The following TNPO1 variants were observed in gnomAD, a reference collection of about 807,000 sequenced individuals.
TNPO1 encodes transportin-1.
Under a neutral mutation model 119.5 loss-of-function variants are expected in TNPO1, and 8 were observed. That is an observed-to-expected ratio of 0.07 (90% CI 0.04 to 0.12). TNPO1 has a LOEUF of 0.12. Among genes scored for constraint, TNPO1 ranks in the 10% least tolerant of loss-of-function variants. The probability of loss-of-function intolerance (pLI) is 1.00; values close to 1 mark genes in which losing one functional copy is unlikely to be tolerated. For synonymous variants in TNPO1, 362 were observed against 363.0 expected (o/e 1.00, Z 0.03); for missense variants, 576 against 1,089.8 (o/e 0.53, Z 6.64).
At chr5:72,837,269 A>G (rs1644577871) in intron 1 of TNPO1, among the ~76,000 whole-genome samples, 2 of 152,226 alleles carry the variant, frequency 1.3e-5, no homozygotes, top group African/African-American at 4.8e-5. Flanking sequence ...TCAAGGCACC[A>G]GTGAATTAGG....
At chr5:72,869,295 C>G (rs949300998) in intron 6 of TNPO1, among the ~76,000 whole-genome samples, 1 of 152,024 alleles carries the variant, frequency 6.6e-6, no homozygotes, top group African/African-American at 2.4e-5. Context: ...ACCTGTAATC[C>G]CAGCACTTTG....
chr5:72,893,406 A>G lies in TNPO1; in HGVS notation c.1926A>G (p.Glu642=). 1 of 1,614,000 alleles carries G rather than the reference A, an allele frequency of 6.2e-7. No individual in the cohort carries two copies. Among genetic ancestry groups the G allele is most frequent in the Non-Finnish European group, 8.5e-7 (1 of 1,179,980 alleles). The change falls in exon 17 of 25, where the codon GAA becomes GAG. Residue 642 remains glutamate, a synonymous_variant. Coordinates refer to ENST00000337273, the MANE Select transcript of TNPO1 (RefSeq NM_002270.4). The part of the protein sequence containing the change: ...MLNNAQPDQY[E]APDKDFMIVA... ...ACAATGCTCAACCAGATCAATATGA[A>G]GCTCCAGATAAAGATTTTATGATAG...
intron 22 of TNPO1, 141 bp from the exon 23 acceptor site, chr5:72,903,568 C>G (rs969359876): frequency 1.2e-5 from 7 of 602,212 alleles, no homozygotes; most frequent in Non-Finnish European, 2.0e-5. Context: ...CTTCTAATTC[C>G]TTATGATCAT....
At chr5:72,878,941 T>G in intron 9 of TNPO1, 1 of 505,724 alleles carries the variant, frequency 2.0e-6, no homozygotes, top group South Asian at 1.5e-5. Flanking sequence ...GCTTTGAAAT[T>G]TGGCACGAAC....
intron 4 of TNPO1, 88 bp downstream of exon 4, chr5:72,856,011 C>CT: frequency 7.2e-7 from 1 of 1,388,992 alleles, no homozygotes. Flanking sequence ...GAATTTTTGT[C>CT]TGTTTCATGT....
intron 1 of TNPO1, among the ~76,000 whole-genome samples, chr5:72,820,793 G>A (rs1055275788): frequency 2.6e-5 from 4 of 152,064 alleles, no homozygotes; most frequent in African/African-American, 9.7e-5. Flanking sequence ...AACTGAGCTG[G>A]GAATAATGAA....
rs1412647051 is a variant in TNPO1 at position 72,865,688 on chromosome 5, C to T, written c.555C>T (p.Pro185=). The change falls in exon 6 of 25, where the codon CCC becomes CCT. Residue 185 remains proline (P), a synonymous_variant. Transcript: ENST00000337273. ...ATCGTCCTCTCAACATCATGATTCC[C>T]AAATTTTTACAGTTCTTCAAGCATA... The part of the protein sequence containing the change: ...VLDRPLNIMI[P]KFLQFFKHSS... 6.2e-7 allele frequency: 1 copy of T among 1,613,708 alleles called. No homozygotes were observed. The highest frequency in any genetic ancestry group is 8.5e-7 in the Non-Finnish European group (1 of 1,179,816).
At chr5:72,874,072 G>A (rs1227474274) in intron 7 of TNPO1, among the ~76,000 whole-genome samples, 2 of 151,868 alleles carry the variant, frequency 1.3e-5, no homozygotes, top group East Asian at 1.9e-4. Context: ...TTCATAGGAC[G>A]GTACTCAGCA....
At chr5:72,841,793 T>C (rs1358387601) in intron 1 of TNPO1, among the ~76,000 whole-genome samples, 4 of 152,174 alleles carry the variant, frequency 2.6e-5, no homozygotes, top group Non-Finnish European at 5.9e-5. Context: ...TTTTATTAAA[T>C]AATTGTATTC....
At chr5:72,824,921 CTGCT>C (rs1235434390) in intron 1 of TNPO1, among the ~76,000 whole-genome samples, 9 of 152,202 alleles carry the variant, frequency 5.9e-5, no homozygotes, top group Non-Finnish European at 1.2e-4. Context: ...TCCCCAATGC[CTGCT>C]TTACCCACAG....
chr5:72,863,386 T>A (rs1422524626), intron 5 of TNPO1, among the ~76,000 whole-genome samples: 1 of 152,004 alleles, frequency 6.6e-6, no homozygotes, highest in African/African-American at 2.4e-5. Flanking sequence ...GTGGGTGGAT[T>A]GCATGAGTTC....
At chr5:72,839,917 G>A (rs535527151) in intron 1 of TNPO1, among the ~76,000 whole-genome samples, 1 of 152,242 alleles carries the variant, frequency 6.6e-6, no homozygotes, top group Admixed American at 6.5e-5. Context: ...TGTTTTGAGG[G>A]TGACAATGAG....
chr5:72,892,250 A>C (rs1290548637), intron 15 of TNPO1, among the ~76,000 whole-genome samples: 1 of 152,040 alleles, frequency 6.6e-6, no homozygotes, highest in African/African-American at 2.4e-5. Context: ...CTTATTTTCA[A>C]ATTTGAAAAT....
intron 6 of TNPO1, among the ~76,000 whole-genome samples, chr5:72,870,957 T>C (rs1400087577): frequency 1.3e-5 from 2 of 152,170 alleles, no homozygotes; most frequent in African/African-American, 2.4e-5. Flanking sequence ...TGTAGGTTGC[T>C]GTTGTTTTTG....
rs912611085 is a variant in TNPO1, at chr5:72,851,237, G to C, written c.130-7G>C. The C allele has an allele frequency of 3.8e-5, 60 of 1,568,744 alleles. No individual in the cohort carries two copies. Among genetic ancestry groups the C allele is most frequent in the Admixed American group, 1.2e-4 (7 of 57,960 alleles). Reference sequence around the variant, plus strand: ...AGAGAAGTTTCCTTAACTACTGTTTGTTCTAGAAACTGGAACAACTTAATC... The same window carrying C: ...AGAGAAGTTTCCTTAACTACTGTTTCTTCTAGAAACTGGAACAACTTAATC... On this transcript the variant is annotated splice_region_variant and splice_polypyrimidine_tract_variant and intron_variant, in intron 2 of 24. Transcript: ENST00000337273.
At chr5:72,887,317 AC>A in intron 12 of TNPO1, 95 bp downstream of exon 12, 2 of 1,347,458 alleles carry the variant, frequency 1.5e-6, no homozygotes, top group Non-Finnish European at 2.0e-6. Context: ...TCTATTTTGA[AC>A]CAGATAACTA....
At chr5:72,869,661 A>C (rs1747228403) in intron 6 of TNPO1, among the ~76,000 whole-genome samples, 1 of 152,226 alleles carries the variant, frequency 6.6e-6, no homozygotes, top group African/African-American at 2.4e-5. Context: ...AGAATTGAAA[A>C]TATACATGAT....
chr5:72,881,570 A>G (rs1748250696), intron 9 of TNPO1, among the ~76,000 whole-genome samples: 1 of 152,206 alleles, frequency 6.6e-6, no homozygotes, highest in Non-Finnish European at 1.5e-5. Context: ...TTCAACCGCA[A>G]GTGGTCTCTT....
chr5:72,833,262 A>G (rs968778988), intron 1 of TNPO1, among the ~76,000 whole-genome samples: 4 of 152,200 alleles, frequency 2.6e-5, no homozygotes, highest in African/African-American at 9.7e-5. Flanking sequence ...AATGTTATGT[A>G]TTATGACAAA....
Sources: gnomAD v4.1 joint callset for allele counts (sites outside exome capture counted in the v4.1 genomes callset) on GRCh38, gnomAD v4.1.1 for gene constraint, MANE v1.5 for transcripts, NCBI Gene and HGNC (gene_info 2026-07-23, HGNC 2026-07-21) for gene names.